Variants in TMEM163 observed in about 807,000 individuals in gnomAD.
TMEM163 encodes the protein transmembrane protein 163.
Under a neutral mutation model 29.3 loss-of-function variants are expected in TMEM163, and 17 were observed. The observed-to-expected ratio is 0.58, with a 90% CI of 0.40 to 0.87. TMEM163 has a LOEUF of 0.87. TMEM163 is among the 40% of genes least tolerant of loss of function. TMEM163 has a pLI of 0.00. For synonymous variants in TMEM163, 157 were observed against 160.6 expected (o/e 0.98, Z 0.17); for missense variants, 303 against 381.5 (o/e 0.79, Z 1.71).
intron 2 of TMEM163, among the ~76,000 whole-genome samples, chr2:134,613,948 T>C (rs1682556855): frequency 6.6e-6 from 1 of 152,132 alleles, no homozygotes; most frequent in South Asian, 2.1e-4. Context: ...AAAATCCCAG[T>C]AAGGTTTTTT....
At position 134,456,499 on chromosome 2, in the gene TMEM163, G is replaced by A; in HGVS notation, c.*217C>T. ...AGTCCCAGCTGGAGACGGGGAAGGA[G>A]GTCCATTCCTATGGGCATTGTCCCA... On this transcript the variant is annotated 3_prime_UTR_variant, in exon 8 of 8. Coordinates refer to ENST00000281924, the MANE Select transcript of TMEM163 (RefSeq NM_030923.5). 1 of 584,552 alleles carries A rather than the reference G, an allele frequency of 1.7e-6. No homozygotes were observed. The highest frequency in any genetic ancestry group is 3.1e-6 in the Non-Finnish European group (1 of 325,956). The allele number at this position is 584,552 out of a possible 1,614,324, so 36.2% of individuals were successfully genotyped here.
chr2:134,668,620 C>A (rs572483309), intron 2 of TMEM163, among the ~76,000 whole-genome samples: 21 of 149,100 alleles, frequency 1.4e-4, no homozygotes, highest in Middle Eastern at 6.9e-3. Flanking sequence ...AGGGAAACTC[C>A]GTCTCAAAAA....
intron 7 of TMEM163, 83 bp from the exon 8 acceptor site, chr2:134,456,859 C>A: frequency 7.1e-7 from 1 of 1,405,566 alleles, no homozygotes; most frequent in South Asian, 1.2e-5. Context: ...TTTTTTTTTC[C>A]TGAGATAATT....
chr2:134,467,828 G>A (rs1330296535), intron 5 of TMEM163: 1 of 152,226 alleles, frequency 6.6e-6, no homozygotes, highest in Non-Finnish European at 1.5e-5. Context: ...AGGCTGGATG[G>A]AGGGGATATG....
intron 2 of TMEM163, among the ~76,000 whole-genome samples, chr2:134,709,826 A>T (rs140521417): frequency 6.6e-6 from 1 of 152,332 alleles, no homozygotes; most frequent in Non-Finnish European, 1.5e-5. Context: ...ATAAAGTCTG[A>T]TAAGAAACAT....
chr2:134,545,969 A>G (rs1680772713), intron 4 of TMEM163, among the ~76,000 whole-genome samples: 1 of 152,102 alleles, frequency 6.6e-6, no homozygotes, highest in South Asian at 2.1e-4. Flanking sequence ...TGTAAACATA[A>G]CTTTCCCTTG....
At chr2:134,480,764 C>T (rs192093019) in intron 5 of TMEM163, among the ~76,000 whole-genome samples, 61 of 152,196 alleles carry the variant, frequency 4.0e-4, no homozygotes, top group African/African-American at 1.4e-3. Flanking sequence ...TGGCAAGTCA[C>T]AGGAATAAAA....
chr2:134,517,292 T>C (rs576685840), intron 4 of TMEM163, among the ~76,000 whole-genome samples: 181 of 152,254 alleles, frequency 1.2e-3, no homozygotes, highest in Middle Eastern at 3.4e-3. Flanking sequence ...TGCTTTTCCT[T>C]GACACTGCCC....
intron 2 of TMEM163, among the ~76,000 whole-genome samples, chr2:134,705,943 T>C (rs1684801686): frequency 2.0e-5 from 3 of 152,204 alleles, no homozygotes; most frequent in Admixed American, 2.0e-4. Context: ...AGCTACCCTG[T>C]GTCACCGCCA....
chr2:134,554,472 C>T (rs1054447013), intron 2 of TMEM163, among the ~76,000 whole-genome samples: 5 of 151,034 alleles, frequency 3.3e-5, no homozygotes, highest in East Asian at 1.9e-4. Flanking sequence ...ATGCTGCCAC[C>T]GGGCTCCCAG....
chr2:134,486,507 T>C (rs1679317382), intron 5 of TMEM163, among the ~76,000 whole-genome samples: 1 of 152,206 alleles, frequency 6.6e-6, no homozygotes. Context: ...TACAGATGGA[T>C]TCGAGATTTT....
chr2:134,516,672 G>T (rs1328486150), intron 4 of TMEM163, among the ~76,000 whole-genome samples: 3 of 140,702 alleles, frequency 2.1e-5, no homozygotes, highest in Admixed American at 7.2e-5. Context: ...CATACATATA[G>T]TCATACATAT....
rs1426749957 is a variant in TMEM163, at chr2:134,469,233, C to G, written c.556-3008G>C. On this transcript the variant is annotated intron_variant, in intron 5 of 7. Coordinates refer to ENST00000281924, the MANE Select transcript of TMEM163 (RefSeq NM_030923.5). ...GGGCTGTGCGGGAAGTTTCCTGTACCTGGGAGGCTTCATCTCGGGGGAGCT... is the reference window on the plus strand; with the variant it reads ...GGGCTGTGCGGGAAGTTTCCTGTACGTGGGAGGCTTCATCTCGGGGGAGCT... 2.6e-5 allele frequency: 4 copies of G among 152,244 alleles called. No individual in the cohort carries two copies. In the East Asian group the frequency reaches 7.7e-4, roughly 29 times the overall value. 9.4% of individuals were successfully genotyped at this position (152,244 alleles called of 1,614,324 possible).
At chr2:134,496,662 T>C (rs1011110530) in intron 5 of TMEM163, among the ~76,000 whole-genome samples, 3 of 152,174 alleles carry the variant, frequency 2.0e-5, no homozygotes, top group Non-Finnish European at 4.4e-5. Flanking sequence ...TGCTTGGTTC[T>C]AGTGAATGGG....
intron 2 of TMEM163, among the ~76,000 whole-genome samples, chr2:134,560,750 C>A (rs1017587316): frequency 3.3e-5 from 5 of 152,200 alleles, no homozygotes; most frequent in Admixed American, 6.5e-5. Context: ...TGGACCAGGG[C>A]ACCCTTGTTC....
At chr2:134,514,847 A>G (rs532278519) in intron 4 of TMEM163, among the ~76,000 whole-genome samples, 1 of 152,310 alleles carries the variant, frequency 6.6e-6, no homozygotes, top group East Asian at 1.9e-4. Flanking sequence ...TTCCATGTGC[A>G]CAATTGGTTT....
chr2:134,596,055 T>G (rs960154127), intron 2 of TMEM163, among the ~76,000 whole-genome samples: 4 of 152,226 alleles, frequency 2.6e-5, no homozygotes, highest in African/African-American at 9.6e-5. Context: ...TCTCCCATTC[T>G]GTAGGTTGCC....
chr2:134,523,315 G>A (rs1012186601), intron 4 of TMEM163, among the ~76,000 whole-genome samples: 2 of 152,086 alleles, frequency 1.3e-5, no homozygotes, highest in Non-Finnish European at 2.9e-5. Flanking sequence ...TCACCAGCCA[G>A]TCAATTAAGG....
chr2:134,533,940 T>TCAC (rs148561757), intron 4 of TMEM163, among the ~76,000 whole-genome samples: 1 of 152,308 alleles, frequency 6.6e-6, no homozygotes, highest in African/African-American at 2.4e-5. Flanking sequence ...GGTTGAAGTG[T>TCAC]CACCTACTCA....
Sources: allele counts gnomAD v4.1 joint callset (sites outside exome capture counted in the v4.1 genomes callset), GRCh38; gene constraint gnomAD v4.1.1; transcripts MANE v1.5; gene names NCBI Gene and HGNC (gene_info 2026-07-23, HGNC 2026-07-21).